Variants in TMOD3 observed in about 807,000 individuals in gnomAD.
TMOD3 encodes the protein tropomodulin 3, also known as tropomodulin-3.
Under a neutral mutation model 39.2 loss-of-function variants are expected in TMOD3, and 20 were observed. The observed-to-expected ratio is 0.51, with a 90% confidence interval of 0.36 to 0.74. The LOEUF is 0.74. TMOD3 is among the 30% of genes least tolerant of loss of function. The probability of loss-of-function intolerance (pLI) is 0.00; values close to 1 mark genes in which losing one functional copy is unlikely to be tolerated. For missense variants in TMOD3, 381 were observed against 412.8 expected, an observed-to-expected ratio of 0.92 and a Z score of 0.67; for synonymous variants, 143 against 145.8, an observed-to-expected ratio of 0.98 and a Z score of 0.14.
At position 51,867,990 on chromosome 15, in the gene TMOD3, C is replaced by T. The variant is rs75496943; in HGVS notation, c.127-1227C>T. Among the ~76,000 whole-genome samples, 816 of 152,308 alleles carry T rather than the reference C, an allele frequency of 5.4e-3. 6 individuals are homozygous for T. Among genetic ancestry groups the T allele is most frequent in the African/African-American group, 0.019 (792 of 41,552 alleles). ...TGGAAACCCAGGAACATAGCTCTTG[C>T]TGTGAGTATGTCAGGGGTCCCTTGG... On this transcript the variant is annotated intron_variant, in intron 2 of 9. Transcript: ENST00000308580.
intron 7 of TMOD3, among the ~76,000 whole-genome samples, chr15:51,898,681 A>T (rs562184916): frequency 6.6e-6 from 1 of 152,318 alleles, no homozygotes; most frequent in South Asian, 2.1e-4. Flanking sequence ...TAGTATCTCT[A>T]CGCCCTATTG....
chr15:51,870,864 C>G (rs769830859), intron 3 of TMOD3, among the ~76,000 whole-genome samples: 4 of 151,996 alleles, frequency 2.6e-5, no homozygotes, highest in Non-Finnish European at 5.9e-5. Flanking sequence ...GCCTGGAGAC[C>G]CAGGGAAGAT....
In TMOD3 at chr15:51,909,915, T is replaced by A. The variant is rs1402423947; in HGVS notation, c.*1105T>A. 3.9e-5 allele frequency: 6 copies of A among 152,286 alleles called. No homozygotes were observed. Among genetic ancestry groups the A allele is most frequent in the African/African-American group, 1.4e-4 (6 of 41,478 alleles). 9.4% of individuals were successfully genotyped at this position (152,286 alleles called of 1,614,324 possible). A position where few individuals can be genotyped will look rare whatever the true frequency, so the allele number is the denominator to read the frequency against. The stretch of plus-strand genomic sequence containing the variant: ...CTTCATAAATCTAATTTTTAGTATA[T>A]GCTTCCTTTCATCTTATACTTTTAT... On this transcript the variant is annotated 3_prime_UTR_variant, in exon 10 of 10. Transcript: ENST00000308580.
At chr15:51,861,719 A>T (rs1387291081) in intron 1 of TMOD3, among the ~76,000 whole-genome samples, 3 of 148,598 alleles carry the variant, frequency 2.0e-5, no homozygotes, top group African/African-American at 7.5e-5. Context: ...GTGTAAAGGC[A>T]CGATCTTGGC....
intron 3 of TMOD3, among the ~76,000 whole-genome samples, chr15:51,873,755 C>T (rs190484454): frequency 5.1e-4 from 77 of 151,846 alleles, no homozygotes; most frequent in African/African-American, 1.1e-3. Context: ...TTACCCAGGC[C>T]GGAGTGCAGT....
intron 1 of TMOD3, chr15:51,859,809 C>T (rs1407474329): frequency 3.9e-6 from 2 of 511,614 alleles, no homozygotes; most frequent in Non-Finnish European, 8.0e-6. Context: ...CTACTGCCAC[C>T]TCTAGAGCTT....
chr15:51,843,905 T>TA (rs397806568), intron 1 of TMOD3, among the ~76,000 whole-genome samples: 3 of 151,742 alleles, frequency 2.0e-5, no homozygotes, highest in South Asian at 2.1e-4. Flanking sequence ...TTTTTTTTTT[T>TA]AATAGCATTC....
intron 3 of TMOD3, among the ~76,000 whole-genome samples, chr15:51,877,994 C>G (rs1366295501): frequency 2.0e-5 from 3 of 152,228 alleles, no homozygotes; most frequent in Non-Finnish European, 4.4e-5. Flanking sequence ...CCTGGGCTCC[C>G]TCTCTGTGCA....
In TMOD3 at chr15:51,902,642, G is replaced by GTTTT. The variant is rs1286780618; in HGVS notation, c.1024+607_1024+608insTTTT. 1.3e-3 allele frequency among the ~76,000 whole-genome samples: 85 copies of GTTTT among 63,324 alleles called. 14 individuals are homozygous for GTTTT. Among genetic ancestry groups the GTTTT allele is most frequent in the Non-Finnish European group, 1.7e-3 (57 of 34,220 alleles). 41.5% of individuals were successfully genotyped at this position (63,324 alleles called of 152,430 possible). On this transcript the variant is annotated intron_variant, in intron 9 of 9. Coordinates refer to ENST00000308580, the MANE Select transcript of TMOD3 (RefSeq NM_014547.5). ...TGCGCGCCGTGCCCAGCTAATTTTT[G>GTTTT]TATTTTTTTTTTTTTTTTTTTTTTT...
At position 51,847,229 on chromosome 15, in the gene TMOD3, A is replaced by G. The variant is rs2056340478; in HGVS notation, c.-74-15582A>G. ...ATCTGGCTACTTTCTACTTTAAGGT[A>G]GTCCTCCGTGATCTGCTTCTAATTA... On this transcript the variant is annotated intron_variant, in intron 1 of 9. Coordinates refer to ENST00000308580, the MANE Select transcript of TMOD3 (RefSeq NM_014547.5). Among the ~76,000 whole-genome samples the G allele has an allele frequency of 2.0e-5, 3 of 152,252 alleles. No homozygotes were observed. The South Asian group carries it at 6.2e-4, about 31-fold the overall frequency.
rs553944328 is a variant in TMOD3, at chr15:51,894,902, GGGATCTTA to G, written c.627+958_627+965del. ...GTAAACACCTAGGAATAGGCTTTCTGGGATCTTATTTTGAGTTTTAAACAATGCAACTC... is the reference window on the plus strand; with the variant it reads ...GTAAACACCTAGGAATAGGCTTTCTGTTTTGAGTTTTAAACAATGCAACTC... On this transcript the variant is annotated intron_variant, in intron 6 of 9. Transcript: ENST00000308580. Among the ~76,000 whole-genome samples, 164 of 152,244 alleles carry G rather than the reference GGGATCTTA, an allele frequency of 1.1e-3. 1 individual carries two copies. Among genetic ancestry groups the G allele is most frequent in the African/African-American group, 3.6e-3 (150 of 41,532 alleles).
chr15:51,896,236 G>A (rs990665), intron 6 of TMOD3, among the ~76,000 whole-genome samples, 183 bp from the exon 7 acceptor site: 67,008 of 152,004 alleles, frequency 0.44, 15,027 homozygotes, highest in Admixed American at 0.52. Context: ...ATGCTCCATC[G>A]TAGATAAGTC....
chr15:51,848,244 T>A lies in TMOD3; in HGVS notation c.-74-14567T>A, dbSNP rs1431215475. Reference sequence around the variant, plus strand: ...GAATATATTCTTTGTTTATAATTAGTGTTATTTAGAATTATAAGCTTATAA... The same window carrying A: ...GAATATATTCTTTGTTTATAATTAGAGTTATTTAGAATTATAAGCTTATAA... On this transcript the variant is annotated intron_variant, in intron 1 of 9. Transcript: ENST00000308580. 2.0e-5 allele frequency among the ~76,000 whole-genome samples: 3 copies of A among 152,316 alleles called. No individual in the cohort carries two copies. In the East Asian group the frequency reaches 5.8e-4, roughly 29 times the overall value.
chr15:51,845,599 T>A (rs1364124374), intron 1 of TMOD3, among the ~76,000 whole-genome samples: 1 of 151,298 alleles, frequency 6.6e-6, no homozygotes, highest in African/African-American at 2.4e-5. Context: ...CTACAAAAAA[T>A]TTAAAAATTA....
intron 1 of TMOD3, among the ~76,000 whole-genome samples, chr15:51,831,183 A>G (rs2141661874): frequency 6.6e-6 from 1 of 152,360 alleles, no homozygotes; most frequent in East Asian, 1.9e-4. Context: ...GTTCTTGAGA[A>G]TGCTGTAGAC....
At position 51,836,784 on chromosome 15, in the gene TMOD3, G is replaced by A. The variant is rs530784150; in HGVS notation, c.-75+6948G>A. On this transcript the variant is annotated intron_variant, in intron 1 of 9. Coordinates refer to ENST00000308580, the MANE Select transcript of TMOD3 (RefSeq NM_014547.5). ...CTGAAATACAGTCAAGGTTCCTCCT[G>A]AGATGTGCACCCTTTTTGAGCTATA... Among the ~76,000 whole-genome samples the A allele has an allele frequency of 4.0e-5, 6 of 151,746 alleles. No individual in the cohort carries two copies. In the South Asian group the frequency reaches 1.3e-3, roughly 32 times the overall value.
Position 51,870,973 on chromosome 15 carries a change from G to A in TMOD3, c.283+1600G>A, listed in dbSNP as rs547994795. ...TAAGGCCTTCAACTGATTAAATGAG[G>A]CCCACCCACATTATGGAGGTTAATT... is the stretch of plus-strand genomic sequence containing the variant. On this transcript the variant is annotated intron_variant, in intron 3 of 9. Transcript: ENST00000308580. 4.6e-5 allele frequency among the ~76,000 whole-genome samples: 7 copies of A among 152,156 alleles called. No individual in the cohort carries two copies. The East Asian group carries it at 9.6e-4, about 21-fold the overall frequency.
intron 1 of TMOD3, among the ~76,000 whole-genome samples, chr15:51,843,411 G>A (rs149353897): frequency 2.5e-4 from 38 of 152,170 alleles, no homozygotes; most frequent in African/African-American, 9.2e-4. Context: ...AAAATCACCC[G>A]AGAAACTGTC....
At chr15:51,887,859 G>A (rs758054230) in intron 4 of TMOD3, 148 bp downstream of exon 4, 38 of 927,486 alleles carry the variant, frequency 4.1e-5, no homozygotes, top group Non-Finnish European at 5.7e-5. Context: ...TATTTTACAC[G>A]GTAAAGCTGA....
Sources: gnomAD v4.1 joint callset for allele counts (sites outside exome capture counted in the v4.1 genomes callset) on GRCh38, gnomAD v4.1.1 for gene constraint, MANE v1.5 for transcripts, NCBI Gene and HGNC (gene_info 2026-07-23, HGNC 2026-07-21) for gene names.